Variants in MARCHF4 observed in about 807,000 individuals in gnomAD.
The protein encoded by MARCHF4 is E3 ubiquitin-protein ligase MARCHF4.
Under a neutral mutation model 43.9 loss-of-function variants are expected in MARCHF4, and 14 were observed. That is an observed-to-expected ratio of 0.32 (90% CI 0.21 to 0.50). The LOEUF (loss-of-function observed/expected upper bound fraction) is 0.50. Ranked by LOEUF, MARCHF4 falls within the 20% of genes least tolerant of loss-of-function variation. MARCHF4 has a pLI of 0.98. For missense variants in MARCHF4, 468 were observed against 536.7 expected (o/e 0.87, Z 1.27); for synonymous variants, 226 against 213.3 (o/e 1.06, Z -0.52).
At chr2:216,331,254 T>G (rs928615485) in intron 1 of MARCHF4, among the ~76,000 whole-genome samples, 3 of 151,910 alleles carry the variant, frequency 2.0e-5, no homozygotes, top group Non-Finnish European at 2.9e-5. Context: ...TTTAGAAAAT[T>G]TAGGTAAATG....
chr2:216,299,856 C>G (rs1355410530), intron 1 of MARCHF4, among the ~76,000 whole-genome samples: 1 of 152,218 alleles, frequency 6.6e-6, no homozygotes, highest in African/African-American at 2.4e-5. Flanking sequence ...TCCTCTGCCT[C>G]ATGTCTCTTA....
At chr2:216,324,108 C>A (rs1221383029) in intron 1 of MARCHF4, among the ~76,000 whole-genome samples, 1 of 147,484 alleles carries the variant, frequency 6.8e-6, no homozygotes, top group African/African-American at 2.5e-5. Context: ...ATCAAATAGA[C>A]GCAATAAAAA....
intron 1 of MARCHF4, among the ~76,000 whole-genome samples, chr2:216,363,103 G>C (rs1274195812): frequency 1.3e-5 from 2 of 152,172 alleles, no homozygotes; most frequent in African/African-American, 4.8e-5. Context: ...AGGAGAAAGA[G>C]AGAGTCCCAG....
intron 1 of MARCHF4, among the ~76,000 whole-genome samples, chr2:216,294,091 T>C (rs1691355100): frequency 6.6e-6 from 1 of 152,240 alleles, no homozygotes; most frequent in South Asian, 2.1e-4. Flanking sequence ...AGAATTGCGC[T>C]ATTTGCATAT....
At chr2:216,340,296 C>T (rs909415416) in intron 1 of MARCHF4, among the ~76,000 whole-genome samples, 1 of 152,174 alleles carries the variant, frequency 6.6e-6, no homozygotes, top group Non-Finnish European at 1.5e-5. Context: ...AATTCCCCAT[C>T]TGAGTGTTGT....
intron 1 of MARCHF4, among the ~76,000 whole-genome samples, chr2:216,298,088 C>G (rs13386173): frequency 0.12 from 17,592 of 152,116 alleles, 1,813 homozygotes; most frequent in African/African-American, 0.28. Context: ...GGTGACCCAA[C>G]TTCATGTTCC....
At chr2:216,358,044 T>C (rs1196894261) in intron 1 of MARCHF4, among the ~76,000 whole-genome samples, 1 of 152,246 alleles carries the variant, frequency 6.6e-6, no homozygotes, top group Admixed American at 6.5e-5. Context: ...CAAGCCCTAA[T>C]GTTTAATGTA....
intron 1 of MARCHF4, among the ~76,000 whole-genome samples, chr2:216,317,125 C>G (rs530354297): frequency 6.6e-6 from 1 of 152,186 alleles, no homozygotes; most frequent in Non-Finnish European, 1.5e-5. Context: ...GCCCCCACCC[C>G]CCAAAGCCAT....
intron 1 of MARCHF4, among the ~76,000 whole-genome samples, chr2:216,295,321 C>A (rs974385696): frequency 6.6e-6 from 1 of 152,174 alleles, no homozygotes; most frequent in Non-Finnish European, 1.5e-5. Context: ...AGTGTAGTGG[C>A]GTGATCTCAA....
Position 216,259,573 on chromosome 2 carries a change from C to T in MARCHF4, c.972G>A (p.Glu324=). Residue 324 remains glutamate, a synonymous_variant, in exon 4 of 4, where the codon GAG becomes GAA. Coordinates refer to ENST00000273067, the MANE Select transcript of MARCHF4 (RefSeq NM_020814.3). ...TGGTCCTGCCTCCTGCCTTTTGATC[C>T]TCCAGGTCTTTTGTCTTGTCATAGT... ...VLNYDKTKDL[E]DQKAGGRTNP... 2 of 1,614,202 alleles carry T rather than the reference C, an allele frequency of 1.2e-6. No individual in the cohort carries two copies. Among genetic ancestry groups the T allele is most frequent in the Non-Finnish European group, 1.7e-6 (2 of 1,180,036 alleles).
chr2:216,337,798 A>G (rs1467189332), intron 1 of MARCHF4, among the ~76,000 whole-genome samples: 9 of 152,122 alleles, frequency 5.9e-5, no homozygotes, highest in Admixed American at 5.9e-4. Context: ...CATTGCTTGG[A>G]GACTGTTTTT....
rs1356151178 is a variant in MARCHF4 at position 216,258,729 on chromosome 2, A to G, written c.*583T>C. 6.6e-6 allele frequency: 1 copy of G among 152,618 alleles called. No homozygotes were observed. The highest frequency in any genetic ancestry group is 1.5e-5 in the Non-Finnish European group (1 of 68,080). 9.5% of individuals were successfully genotyped at this position (152,618 alleles called of 1,614,324 possible). On this transcript the variant is annotated 3_prime_UTR_variant, in exon 4 of 4. Transcript: ENST00000273067. ...CACACCAGCATATCCCTCCCTGAGC[A>G]TCCCTCCCTGACCATCCACCCCACC...
At chr2:216,307,455 A>G (rs1326022345) in intron 1 of MARCHF4, among the ~76,000 whole-genome samples, 2 of 152,096 alleles carry the variant, frequency 1.3e-5, no homozygotes, top group Admixed American at 1.3e-4. Flanking sequence ...TCTGTGAGGA[A>G]GGAAGTAGGA....
At chr2:216,269,180 G>A (rs948769861) in intron 3 of MARCHF4, among the ~76,000 whole-genome samples, 43 of 152,174 alleles carry the variant, frequency 2.8e-4, no homozygotes, top group African/African-American at 1.0e-3. Context: ...GAAGAAGAGA[G>A]CCTCATTTTT....
intron 1 of MARCHF4, among the ~76,000 whole-genome samples, chr2:216,358,446 C>T (rs977156510): frequency 1.3e-5 from 2 of 152,118 alleles, no homozygotes; most frequent in East Asian, 3.8e-4. Flanking sequence ...GAGGCATCTG[C>T]TATAGATAGA....
At chr2:216,327,612 C>T (rs1692016223) in intron 1 of MARCHF4, among the ~76,000 whole-genome samples, 1 of 152,214 alleles carries the variant, frequency 6.6e-6, no homozygotes, top group Non-Finnish European at 1.5e-5. Flanking sequence ...CATTAGAAAG[C>T]TCTGTCTCTG....
intron 1 of MARCHF4, among the ~76,000 whole-genome samples, chr2:216,305,434 G>A (rs1212768687): frequency 6.6e-6 from 1 of 152,152 alleles, no homozygotes; most frequent in African/African-American, 2.4e-5. Context: ...TCTGTCTTCT[G>A]GGATAAATCC....
intron 1 of MARCHF4, among the ~76,000 whole-genome samples, chr2:216,365,743 C>T (rs1692656279): frequency 1.3e-5 from 2 of 152,188 alleles, no homozygotes; most frequent in African/African-American, 4.8e-5. Flanking sequence ...ACATGCATCT[C>T]CTTCTTGTAC....
chr2:216,265,780 C>CAG (rs1165096800), intron 3 of MARCHF4: 10 of 152,314 alleles, frequency 6.6e-5, no homozygotes, highest in African/African-American at 2.4e-4. Flanking sequence ...GCATGAACCA[C>CAG]TGAGCCCAGC....
Sources: gnomAD v4.1 joint callset for allele counts (sites outside exome capture counted in the v4.1 genomes callset) on GRCh38, gnomAD v4.1.1 for gene constraint, MANE v1.5 for transcripts, NCBI Gene and HGNC (gene_info 2026-07-23, HGNC 2026-07-21) for gene names.